SV2C: variants seen among roughly 807,000 people sequenced by gnomAD.
The protein encoded by SV2C is solute carrier family 22 member B3.
Under a neutral mutation model 79.7 loss-of-function variants are expected in SV2C, and 49 were observed. The observed-to-expected ratio is 0.61, with a 90% CI of 0.49 to 0.78. The LOEUF is 0.78. Ranked by LOEUF, SV2C falls within the 30% of genes least tolerant of loss-of-function variation. The probability of loss-of-function intolerance (pLI) is 0.00; values close to 1 mark genes in which losing one functional copy is unlikely to be tolerated. For missense variants in SV2C, 833 were observed against 912.9 expected (o/e 0.91, Z 1.13); for synonymous variants, 334 against 333.2 (o/e 1.00, Z -0.03).
At chr5:75,897,629 A>G in the SV2C span, among the ~76,000 whole-genome samples, 9 of 152,424 alleles carry the variant, frequency 5.9e-5, no homozygotes, top group East Asian at 1.7e-3. Context: ...CTTGATGGAG[A>G]TGACATTGAA....
chr5:76,079,334 C>A (rs1746941575), upstream of SV2C: 2 of 316,924 alleles, frequency 6.3e-6, no homozygotes, highest in South Asian at 7.9e-5. Context: ...AGAGATTGAC[C>A]AAATGGTGAT....
intron 4 of SV2C, among the ~76,000 whole-genome samples, chr5:76,283,504 G>T (rs1287993472): frequency 2.0e-5 from 3 of 152,092 alleles, no homozygotes; most frequent in Non-Finnish European, 4.4e-5. Context: ...AGGATTTAGA[G>T]CTTTTAAAAA....
intron 4 of SV2C, among the ~76,000 whole-genome samples, chr5:76,249,394 A>G (rs1403032723): frequency 6.6e-6 from 1 of 152,338 alleles, no homozygotes; most frequent in Admixed American, 6.5e-5. Context: ...ACATCTCCCC[A>G]TAGTCACAAA....
the SV2C span, chr5:75,911,806 A>G: frequency 1.7e-6 from 1 of 579,462 alleles, no homozygotes; most frequent in Middle Eastern, 3.1e-4. Context: ...AGTACCAGAC[A>G]AGAGCAACCT....
intron 4 of SV2C, among the ~76,000 whole-genome samples, chr5:76,222,513 G>A (rs1368615175): frequency 6.6e-6 from 1 of 152,106 alleles, no homozygotes; most frequent in African/African-American, 2.4e-5. Flanking sequence ...TTGCGTTGAC[G>A]TCATAGTTGA....
intron 3 of SV2C, among the ~76,000 whole-genome samples, chr5:76,199,508 T>C (rs1744370585): frequency 1.3e-5 from 2 of 152,246 alleles, no homozygotes; most frequent in Admixed American, 1.3e-4. Context: ...TTTTGTCTCC[T>C]TGGCAGCACT....
At chr5:76,274,928 A>G (rs1233028799) in intron 4 of SV2C, among the ~76,000 whole-genome samples, 1 of 152,064 alleles carries the variant, frequency 6.6e-6, no homozygotes, top group Non-Finnish European at 1.5e-5. Flanking sequence ...TTATCTGATC[A>G]TTGTCCTCTT....
intron 4 of SV2C, chr5:76,281,015 C>T (rs1404055747): frequency 1.9e-5 from 10 of 540,088 alleles, no homozygotes; most frequent in African/African-American, 3.8e-5. Context: ...AAATGAGAAA[C>T]AGTATCTTAG....
At chr5:76,020,926 A>C in the SV2C span, among the ~76,000 whole-genome samples, 1 of 152,210 alleles carries the variant, frequency 6.6e-6, no homozygotes, top group South Asian at 2.1e-4. Context: ...GATTTTACTG[A>C]AGTCACCAAA....
the SV2C span, among the ~76,000 whole-genome samples, chr5:75,871,337 T>A: frequency 2.0e-5 from 3 of 152,112 alleles, no homozygotes; most frequent in Non-Finnish European, 4.4e-5. Context: ...GTATAACCAC[T>A]GATGATTTGG....
At chr5:75,881,115 C>G in the SV2C span, among the ~76,000 whole-genome samples, 6,845 of 152,234 alleles carry the variant, frequency 0.045, 201 homozygotes, top group Non-Finnish European at 0.069. Context: ...GCCGCTAAGC[C>G]ATTCATGAGG....
the SV2C span, among the ~76,000 whole-genome samples, chr5:75,973,428 A>G: frequency 6.6e-6 from 1 of 151,472 alleles, no homozygotes; most frequent in East Asian, 1.9e-4. Flanking sequence ...CAAGGAGTTC[A>G]AGGTTACAGT....
In SV2C at chr5:76,121,254, G is replaced by C. The variant is rs532812551; in HGVS notation, c.-101-10396G>C. Among the ~76,000 whole-genome samples, 23 of 152,282 alleles carry C rather than the reference G, an allele frequency of 1.5e-4. No homozygotes were observed. In the South Asian group the frequency reaches 1.9e-3, roughly 12 times the overall value. ...TGTAACTTTGTTGGAGTTCATTGTA[G>C]ATTCTGGATATTAGCCCTTTGTCAG... On this transcript the variant is annotated intron_variant, in intron 1 of 12. Transcript: ENST00000502798.
rs1355550018 is a variant in SV2C at position 76,300,738 on chromosome 5, C to A, written c.1646C>A (p.Pro549Gln). 1.9e-5 allele frequency: 30 copies of A among 1,613,936 alleles called. No homozygotes were observed. Among genetic ancestry groups the A allele is most frequent in the Non-Finnish European group, 2.5e-5 (29 of 1,179,880 alleles). The change falls in exon 11 of 13, where the codon CCA becomes CAA. Residue 549 changes from proline (P) to glutamine (Q), a missense_variant. Coordinates refer to ENST00000502798, the MANE Select transcript of SV2C (RefSeq NM_014979.4). ...DTVFDNTDFE[P>Q]YKFIDSEFKN... Reference sequence around the variant, plus strand: ...GTTGTTGTTTCTACAGATTTTGAGCCATATAAATTCATTGACAGTGAATTT... The same window carrying A: ...GTTGTTGTTTCTACAGATTTTGAGCAATATAAATTCATTGACAGTGAATTT...
chr5:76,152,301 T>G (rs1346999030), intron 2 of SV2C, among the ~76,000 whole-genome samples: 2 of 152,206 alleles, frequency 1.3e-5, no homozygotes, highest in African/African-American at 4.8e-5. Context: ...TTTGATATAT[T>G]TTTTAGATAA....
At chr5:76,110,662 G>A (rs1403622349) in intron 1 of SV2C, among the ~76,000 whole-genome samples, 3 of 152,256 alleles carry the variant, frequency 2.0e-5, no homozygotes, top group African/African-American at 7.2e-5. Context: ...GGGCACAGGA[G>A]CCAGCCTAGC....
At chr5:75,936,795 ACGG>A in the SV2C span, among the ~76,000 whole-genome samples, 1 of 152,194 alleles carries the variant, frequency 6.6e-6, no homozygotes, top group African/African-American at 2.4e-5. Context: ...CATAGTCTTT[ACGG>A]CAAACCCAAT....
At chr5:76,007,897 T>C in the SV2C span, among the ~76,000 whole-genome samples, 6 of 152,288 alleles carry the variant, frequency 3.9e-5, no homozygotes, top group East Asian at 1.2e-3. Flanking sequence ...CACCTGTTGC[T>C]GACAGGGAGA....
At chr5:76,151,519 T>C (rs16873233) in intron 2 of SV2C, among the ~76,000 whole-genome samples, 1 of 152,104 alleles carries the variant, frequency 6.6e-6, no homozygotes, top group East Asian at 1.9e-4. Flanking sequence ...TAGTCTAGCC[T>C]TCAGGTGATG....
Sources: allele counts gnomAD v4.1 joint callset (sites outside exome capture counted in the v4.1 genomes callset), GRCh38; gene constraint gnomAD v4.1.1; transcripts MANE v1.5; gene names NCBI Gene and HGNC (gene_info 2026-07-23, HGNC 2026-07-21).